MYO1B: variants seen among roughly 807,000 people sequenced by gnomAD.
MYO1B encodes unconventional myosin-Ib.
MYO1B carries 72 observed loss-of-function variants against 159.7 expected under a neutral mutation model. The ratio of observed to expected loss-of-function variants is 0.45; its 90% CI spans 0.37 to 0.55. MYO1B has a LOEUF of 0.55. Among genes scored for constraint, MYO1B ranks in the 20% least tolerant of loss-of-function variants. The pLI, the probability that MYO1B is intolerant of heterozygous loss-of-function variation, is 0.00. For synonymous variants in MYO1B, 468 were observed against 473.8 expected (o/e 0.99, Z 0.16); for missense variants, 1,062 against 1,364.8 (o/e 0.78, Z 3.50).
At chr2:191,258,664 G>A (rs928543071) in intron 1 of MYO1B, among the ~76,000 whole-genome samples, 1 of 152,124 alleles carries the variant, frequency 6.6e-6, no homozygotes, top group Non-Finnish European at 1.5e-5. Flanking sequence ...CTGCTTATTT[G>A]CTTTTGTCAC....
chr2:191,326,386 C>T (rs1393288987), intron 3 of MYO1B, among the ~76,000 whole-genome samples: 1 of 152,070 alleles, frequency 6.6e-6, no homozygotes, highest in African/African-American at 2.4e-5. Context: ...CTTTTGCCCC[C>T]ACCCCTTGTT....
chr2:191,393,294 G>A, intron 20 of MYO1B, 72 bp downstream of exon 20: 4 of 1,511,218 alleles, frequency 2.6e-6, no homozygotes, highest in East Asian at 2.3e-5. Context: ...TACTTACCAT[G>A]TATGTGATTT....
chr2:191,310,345 G>A (rs1000959633), intron 3 of MYO1B, among the ~76,000 whole-genome samples: 5 of 152,154 alleles, frequency 3.3e-5, no homozygotes, highest in Non-Finnish European at 5.9e-5. Context: ...TGGGATTACG[G>A]GCATGTGCCA....
chr2:191,285,902 G>C (rs17346412), intron 2 of MYO1B, among the ~76,000 whole-genome samples: 57,749 of 151,876 alleles, frequency 0.38, 11,171 homozygotes, highest in Middle Eastern at 0.52. Context: ...GTTGTCAGGG[G>C]TTCCTAGGTG....
rs573738636 is a variant in MYO1B at position 191,305,871 on chromosome 2, C to T, written c.251+9645C>T. Among the ~76,000 whole-genome samples, 27 of 152,038 alleles carry T rather than the reference C, an allele frequency of 1.8e-4. No homozygotes were observed. In the South Asian group the frequency reaches 5.0e-3, roughly 28 times the overall value. On this transcript the variant is annotated intron_variant, in intron 3 of 30. Transcript: ENST00000392318. The stretch of plus-strand genomic sequence containing the variant: ...GAGGACCCTTAGGTGATGAGTTTGC[C>T]GCATGGATAAAGAATAGGACTCTAG...
At chr2:191,300,753 A>G (rs1225323681) in intron 3 of MYO1B, among the ~76,000 whole-genome samples, 1 of 149,058 alleles carries the variant, frequency 6.7e-6, no homozygotes, top group Non-Finnish European at 1.5e-5. Context: ...CTATAGGCAC[A>G]TGTCACTGCA....
chr2:191,414,749 G>T (rs926379546), intron 29 of MYO1B, 80 bp downstream of exon 29: 5 of 1,473,992 alleles, frequency 3.4e-6, no homozygotes, highest in Non-Finnish European at 4.5e-6. Flanking sequence ...TAATCCTATC[G>T]CAGTTTATAT....
In MYO1B at chr2:191,264,798, A is replaced by G. The variant is rs183442727; in HGVS notation, c.-9-12089A>G. On this transcript the variant is annotated intron_variant, in intron 1 of 30. Transcript: ENST00000392318. ...TTCTCTATAACCAGATCTAGGATGCATGCTCATCCCAGAATGAGCAAACTC... is the reference window on the plus strand; with the variant it reads ...TTCTCTATAACCAGATCTAGGATGCGTGCTCATCCCAGAATGAGCAAACTC... 3.2e-3 allele frequency among the ~76,000 whole-genome samples: 478 copies of G among 151,416 alleles called. 1 individual carries two copies. The highest frequency in any genetic ancestry group is 4.9e-3 in the Non-Finnish European group (336 of 67,900).
intron 13 of MYO1B, among the ~76,000 whole-genome samples, chr2:191,372,139 GAGCAGGGGAGATGGGTA>G (rs11272878): frequency 0.053 from 8,132 of 152,318 alleles, 731 homozygotes; most frequent in African/African-American, 0.18. Context: ...ATGGTTTCAT[GAGCAGGGGAGATGGGTA>G]AGCAGAGATT....
chr2:191,414,048 T>C lies in MYO1B; in HGVS notation c.2874T>C (p.Ser958=). Residue 958 remains serine (S), a splice_region_variant and synonymous_variant, in exon 28 of 31, where the codon AGT becomes AGC. Coordinates refer to ENST00000392318, the MANE Select transcript of MYO1B (RefSeq NM_001130158.3). ...ATGTGCAGGAATTTTTTTCCTTTAG[T>C]GTTGGGCAACCATTCCAAGGGGCTT... The part of the protein sequence containing the change: ...FKDKKALYPS[S]VGQPFQGAYL... 1 of 1,598,162 alleles carries C rather than the reference T, an allele frequency of 6.3e-7. No homozygotes were observed. The highest frequency in any genetic ancestry group is 1.2e-5 in the South Asian group (1 of 86,478).
At chr2:191,385,609 C>G (rs1695352596) in intron 15 of MYO1B, among the ~76,000 whole-genome samples, 1 of 152,156 alleles carries the variant, frequency 6.6e-6, no homozygotes, top group South Asian at 2.1e-4. Flanking sequence ...GCTAAGGTGT[C>G]TGAGGCAACT....
chr2:191,386,141 C>A, intron 16 of MYO1B, 57 bp downstream of exon 16: 1 of 1,558,150 alleles, frequency 6.4e-7, no homozygotes, highest in Non-Finnish European at 8.8e-7. Flanking sequence ...TGCAAGGAGG[C>A]TGTACCTCAG....
intron 21 of MYO1B, among the ~76,000 whole-genome samples, chr2:191,397,569 T>C (rs1014548840): frequency 3.3e-5 from 5 of 151,368 alleles, no homozygotes; most frequent in Admixed American, 3.3e-4. Flanking sequence ...CAGAACAAAA[T>C]GAAAAGTCTC....
At chr2:191,275,459 C>T (rs1687696478) in intron 1 of MYO1B, among the ~76,000 whole-genome samples, 1 of 151,912 alleles carries the variant, frequency 6.6e-6, no homozygotes, top group Non-Finnish European at 1.5e-5. Flanking sequence ...TAATGAATTT[C>T]TTAATTACTA....
chr2:191,354,655 A>G (rs1279547421), intron 7 of MYO1B, among the ~76,000 whole-genome samples: 1 of 152,172 alleles, frequency 6.6e-6, no homozygotes, highest in Non-Finnish European at 1.5e-5. Context: ...GTAGCAGAGT[A>G]CAACAAGTTT....
chr2:191,421,238 T>G (rs557508747), intron 30 of MYO1B, among the ~76,000 whole-genome samples: 8 of 151,582 alleles, frequency 5.3e-5, no homozygotes, highest in African/African-American at 1.9e-4. Flanking sequence ...CCCTGCTAAT[T>G]TTTGTATTTT....
intron 6 of MYO1B, among the ~76,000 whole-genome samples, chr2:191,349,378 A>G (rs1418805059): frequency 6.6e-6 from 1 of 152,228 alleles, no homozygotes; most frequent in Non-Finnish European, 1.5e-5. Context: ...TTGAAAATTA[A>G]TGAGTTAAAG....
chr2:191,399,024 G>A (rs1696409825), intron 21 of MYO1B, among the ~76,000 whole-genome samples: 1 of 152,232 alleles, frequency 6.6e-6, no homozygotes, highest in Non-Finnish European at 1.5e-5. Flanking sequence ...GGCACCTCGG[G>A]AGGCCGAGGC....
At chr2:191,419,464 C>G in intron 30 of MYO1B, among the ~76,000 whole-genome samples, 1 of 152,088 alleles carries the variant, frequency 6.6e-6, no homozygotes, top group African/African-American at 2.4e-5. Flanking sequence ...GTGATCTGCC[C>G]GCCTCAGCCT....
Sources: gnomAD v4.1 joint callset for allele counts (sites outside exome capture counted in the v4.1 genomes callset) on GRCh38, gnomAD v4.1.1 for gene constraint, MANE v1.5 for transcripts, NCBI Gene and HGNC (gene_info 2026-07-23, HGNC 2026-07-21) for gene names.